Variants in ATXN7L1 observed in about 807,000 individuals in gnomAD.
ATXN7L1 encodes ataxin 7 like 1.
Under a neutral mutation model 70.8 loss-of-function variants are expected in ATXN7L1, and 15 were observed. The observed-to-expected ratio is 0.21, with a 90% confidence interval of 0.14 to 0.33. The LOEUF (loss-of-function observed/expected upper bound fraction) is 0.33. Among genes scored for constraint, ATXN7L1 ranks in the 10% least tolerant of loss-of-function variants. The pLI is 1.00. For missense variants in ATXN7L1, 975 were observed against 1,097.1 expected (o/e 0.89, Z 1.57); for synonymous variants, 440 against 445.1 (o/e 0.99, Z 0.14).
chr7:105,617,224 C>T (rs1344929634), intron 9 of ATXN7L1, among the ~76,000 whole-genome samples: 1 of 152,180 alleles, frequency 6.6e-6, no homozygotes, highest in Non-Finnish European at 1.5e-5. Flanking sequence ...CGGGGTTTCA[C>T]CGTGTTAGCC....
chr7:105,614,318 C>G lies in ATXN7L1; in HGVS notation c.2016G>C (p.Gly672=). The part of the protein sequence containing the change: ...LQTSLSSPLS[G]PHKKNCVLNA... ...TCAAAACACAGTTCTTTTTGTGAGG[C>G]CCTGACAGTGGAGACGAGAGGGATG... is the stretch of plus-strand genomic sequence containing the variant. Residue 672 remains glycine, a synonymous_variant, in exon 10 of 12, where the codon GGG becomes GGC. Transcript: ENST00000419735. The surrounding 1 kb of genome is among the most constrained non-coding windows in gnomAD (Gnocchi z 4.3). 6.4e-7 allele frequency: 1 copy of G among 1,552,168 alleles called. No individual in the cohort carries two copies. Among genetic ancestry groups the G allele is most frequent in the Admixed American group, 2.0e-5 (1 of 51,004 alleles).
At chr7:105,688,676 T>A (rs546654054) in intron 3 of ATXN7L1, among the ~76,000 whole-genome samples, 1 of 152,352 alleles carries the variant, frequency 6.6e-6, no homozygotes, top group South Asian at 2.1e-4. Context: ...TCGCCTCATT[T>A]CTATTGCACC....
rs1029057005 is a variant in ATXN7L1, at chr7:105,839,160, G to C, written c.250+36652C>G. Among the ~76,000 whole-genome samples the C allele has an allele frequency of 4.6e-5, 7 of 152,082 alleles. No individual in the cohort carries two copies. The East Asian group carries it at 1.3e-3, about 29-fold the overall frequency. The stretch of plus-strand genomic sequence containing the variant: ...ATACAGAGGTTTTTCCTTTTACAAA[G>C]GCCAAATAGCATGCTGTTATGGGCA... On this transcript the variant is annotated intron_variant, in intron 2 of 11. Coordinates refer to ENST00000419735, the MANE Select transcript of ATXN7L1 (RefSeq NM_020725.2).
chr7:105,723,096 C>T (rs553063105), intron 3 of ATXN7L1, among the ~76,000 whole-genome samples: 4 of 152,036 alleles, frequency 2.6e-5, no homozygotes, highest in Non-Finnish European at 2.9e-5. Flanking sequence ...TTCTGGGTCT[C>T]GATGCCCTCA....
At chr7:105,780,385 A>G (rs1803352828) in intron 3 of ATXN7L1, among the ~76,000 whole-genome samples, 2 of 152,138 alleles carry the variant, frequency 1.3e-5, no homozygotes, top group South Asian at 4.1e-4. Context: ...TTTAGCTCAC[A>G]GTTCATTAAA....
At chr7:105,619,522 ATATATATATTTTTTTTTTTTTT>A (rs1562901020) in intron 9 of ATXN7L1, among the ~76,000 whole-genome samples, 5 of 20,126 alleles carry the variant, frequency 2.5e-4, no homozygotes, top group Admixed American at 6.4e-4. Context: ...ATATATATAT[ATATATATATTTTTTTTTTTTTT>A]TTTTTTTTTT....
At chr7:105,649,225 G>A (rs1584509125) in intron 4 of ATXN7L1, among the ~76,000 whole-genome samples, 1 of 152,154 alleles carries the variant, frequency 6.6e-6, no homozygotes, top group African/African-American at 2.4e-5. Flanking sequence ...TGCCTGTTTT[G>A]TTCACTTGGG....
intron 3 of ATXN7L1, among the ~76,000 whole-genome samples, chr7:105,705,746 CCTT>C (rs932285961): frequency 1.3e-5 from 2 of 152,188 alleles, no homozygotes; most frequent in African/African-American, 4.8e-5. Flanking sequence ...TTGGTTAACT[CCTT>C]GTTTTCTTTC....
chr7:105,840,481 A>G (rs1323854167), intron 2 of ATXN7L1, among the ~76,000 whole-genome samples: 1 of 152,162 alleles, frequency 6.6e-6, no homozygotes, highest in Non-Finnish European at 1.5e-5. Flanking sequence ...GTCTGAGTCC[A>G]GGCTGCCAAC....
chr7:105,750,476 T>C (rs1378708553), intron 3 of ATXN7L1, among the ~76,000 whole-genome samples: 1 of 151,746 alleles, frequency 6.6e-6, no homozygotes, highest in African/African-American at 2.4e-5. Flanking sequence ...AGGTCTGCTA[T>C]GTTGCCTAGG....
intron 3 of ATXN7L1, among the ~76,000 whole-genome samples, chr7:105,671,790 T>C (rs1312794622): frequency 7.2e-6 from 1 of 139,284 alleles, no homozygotes; most frequent in Non-Finnish European, 1.5e-5. Flanking sequence ...CTTAGGAGGC[T>C]GAGGTGGGAG....
intron 4 of ATXN7L1, among the ~76,000 whole-genome samples, chr7:105,663,990 G>C (rs1802123968): frequency 1.3e-5 from 2 of 151,990 alleles, no homozygotes. Flanking sequence ...GGCCGGTCTT[G>C]AACTCCTGAC....
At chr7:105,731,142 A>G (rs1796485558) in intron 3 of ATXN7L1, among the ~76,000 whole-genome samples, 1 of 152,200 alleles carries the variant, frequency 6.6e-6, no homozygotes, top group South Asian at 2.1e-4. Flanking sequence ...ATTATGAAAA[A>G]TGTTGTGTAA....
At chr7:105,765,186 T>C (rs1801082139) in intron 3 of ATXN7L1, among the ~76,000 whole-genome samples, 1 of 151,616 alleles carries the variant, frequency 6.6e-6, no homozygotes, top group Admixed American at 6.6e-5. Context: ...ATACAAACAT[T>C]AGCCAGGCAT....
rs181107763 is a variant in ATXN7L1, at chr7:105,790,905, C to A, written c.251-2197G>T. ...TCCTCTGGTTGAGAACCCCCACAAG[C>A]CTTCATCTGCTAGGTTCAACCTGTG... On this transcript the variant is annotated intron_variant, in intron 2 of 11. Transcript: ENST00000419735. 3.3e-3 allele frequency among the ~76,000 whole-genome samples: 499 copies of A among 152,240 alleles called. 4 individuals are homozygous for A. Among genetic ancestry groups the A allele is most frequent in the Middle Eastern group, 0.01 (3 of 294 alleles).
At chr7:105,687,313 C>T (rs1790059866) in intron 3 of ATXN7L1, among the ~76,000 whole-genome samples, 1 of 152,186 alleles carries the variant, frequency 6.6e-6, no homozygotes, top group Non-Finnish European at 1.5e-5. Context: ...TTCTCCACTT[C>T]AGACTTCATA....
At chr7:105,790,368 G>T (rs1371527780) in intron 2 of ATXN7L1, among the ~76,000 whole-genome samples, 1 of 152,046 alleles carries the variant, frequency 6.6e-6, no homozygotes, top group Non-Finnish European at 1.5e-5. Context: ...TTGGGAGGTA[G>T]GATGATCAAG....
chr7:105,747,147 A>G (rs181481075), intron 3 of ATXN7L1, among the ~76,000 whole-genome samples: 49 of 152,324 alleles, frequency 3.2e-4, no homozygotes, highest in South Asian at 1.9e-3. Flanking sequence ...GGCAGCGGGT[A>G]AGTAGCTTCA....
intron 4 of ATXN7L1, among the ~76,000 whole-genome samples, chr7:105,664,573 G>GTATATATATATATATATATATATATATA (rs1802272602): frequency 8.9e-6 from 1 of 112,754 alleles, no homozygotes; most frequent in African/African-American, 3.6e-5. Context: ...ATGTATGTGT[G>GTATATATATATATATATATATATATATA]TGTATATATA....
Sources: allele counts gnomAD v4.1 joint callset (sites outside exome capture counted in the v4.1 genomes callset), GRCh38; gene constraint gnomAD v4.1.1; non-coding constraint Gnocchi (gnomAD v3.1); transcripts MANE v1.5; gene names NCBI Gene and HGNC (gene_info 2026-07-23, HGNC 2026-07-21).